Variants in CFAP58 observed in about 807,000 individuals in gnomAD.
CFAP58 encodes the protein cilia and flagella associated protein 58.
A neutral mutation model predicts 119.5 loss-of-function variants in CFAP58; 88 were observed. The ratio of observed to expected loss-of-function variants is 0.74; its 90% CI spans 0.62 to 0.88. The LOEUF (loss-of-function observed/expected upper bound fraction) is 0.88. Among genes scored for constraint, CFAP58 ranks in the 40% least tolerant of loss-of-function variants. CFAP58 has a pLI of 0.00. For missense variants in CFAP58, 990 were observed against 1,021.2 expected (o/e 0.97, Z 0.42); for synonymous variants, 365 against 366.3 (o/e 1.00, Z 0.04).
chr10:104,415,198 C>A (rs2012530093), intron 15 of CFAP58, among the ~76,000 whole-genome samples: 1 of 152,040 alleles, frequency 6.6e-6, no homozygotes, highest in Non-Finnish European at 1.5e-5. Context: ...AAATCAGACA[C>A]TGAGACAGAG....
At chr10:104,430,891 TA>T (rs1564902478) in intron 15 of CFAP58, among the ~76,000 whole-genome samples, 1 of 152,248 alleles carries the variant, frequency 6.6e-6, no homozygotes, top group Non-Finnish European at 1.5e-5. Flanking sequence ...ATTAATGTGA[TA>T]TTTTATATTT....
chr10:104,427,441 C>G (rs968383265), intron 15 of CFAP58, among the ~76,000 whole-genome samples: 5 of 151,956 alleles, frequency 3.3e-5, no homozygotes, highest in Non-Finnish European at 5.9e-5. Flanking sequence ...GTTGACAAAG[C>G]AATTTTATAT....
chr10:104,431,500 C>T (rs2012846581), intron 15 of CFAP58, among the ~76,000 whole-genome samples: 1 of 152,038 alleles, frequency 6.6e-6, no homozygotes, highest in African/African-American at 2.4e-5. Context: ...AAATCCCCCC[C>T]TTTTTTCCCC....
In CFAP58 at chr10:104,380,287, A is replaced by G. The variant is rs549631973; in HGVS notation, c.1365+67A>G. 3 of 1,369,278 alleles carry G rather than the reference A, an allele frequency of 2.2e-6. No homozygotes were observed. In the East Asian group the frequency reaches 6.9e-5, roughly 32 times the overall value. 84.8% of individuals were successfully genotyped at this position (1,369,278 alleles called of 1,614,324 possible). A position where few individuals can be genotyped will look rare whatever the true frequency, so the allele number is the denominator to read the frequency against. On this transcript the variant is annotated intron_variant, in intron 9 of 17. Transcript: ENST00000369704. ...TCCTTCCTCCGCATTTCTGATGGTC[A>G]CAAACTGTTGCAAAGAGAATTTATT...
Position 104,454,737 on chromosome 10 carries a change from G to C in CFAP58, c.*207G>C, listed in dbSNP as rs1226137280. The C allele has an allele frequency of 1.9e-6, 1 of 526,312 alleles. No homozygotes were observed. The highest frequency in any genetic ancestry group is 1.9e-5 in the African/African-American group (1 of 52,116). The allele number at this position is 526,312 out of a possible 1,614,324, so 32.6% of individuals were successfully genotyped here. A position where few individuals can be genotyped will look rare whatever the true frequency, so the allele number is the denominator to read the frequency against. On this transcript the variant is annotated 3_prime_UTR_variant, in exon 18 of 18. Transcript: ENST00000369704. ...ATATTAACAGATCATAATTCTCTCTGTTCAGTTAGGCTGACCTATTGCATG... is the reference window on the plus strand; with the variant it reads ...ATATTAACAGATCATAATTCTCTCTCTTCAGTTAGGCTGACCTATTGCATG...
intron 2 of CFAP58, among the ~76,000 whole-genome samples, chr10:104,359,170 A>C (rs1268061282): frequency 6.6e-6 from 1 of 152,134 alleles, no homozygotes; most frequent in Non-Finnish European, 1.5e-5. Flanking sequence ...GATTTTTTTC[A>C]TCCTTAAGTG....
intron 15 of CFAP58, among the ~76,000 whole-genome samples, chr10:104,416,635 A>C (rs2012558795): frequency 6.6e-6 from 1 of 152,114 alleles, no homozygotes; most frequent in Non-Finnish European, 1.5e-5. Flanking sequence ...TGATCTCCTG[A>C]TTATCTTACA....
chr10:104,445,458 C>G (rs2013100279), intron 15 of CFAP58, among the ~76,000 whole-genome samples: 1 of 152,126 alleles, frequency 6.6e-6, no homozygotes, highest in South Asian at 2.1e-4. Flanking sequence ...ACTGTACTTT[C>G]TATTAGAGGA....
At chr10:104,402,221 A>G (rs2133044869) in intron 13 of CFAP58, among the ~76,000 whole-genome samples, 1 of 152,334 alleles carries the variant, frequency 6.6e-6, no homozygotes, top group East Asian at 1.9e-4. Flanking sequence ...AAAACAAATC[A>G]ATGTGCCTAG....
intron 9 of CFAP58, among the ~76,000 whole-genome samples, chr10:104,381,547 C>T (rs954319219): frequency 6.6e-6 from 1 of 152,142 alleles, no homozygotes; most frequent in African/African-American, 2.4e-5. Flanking sequence ...AAGGTAAGCC[C>T]TCTCTTCCAT....
chr10:104,356,783 C>T (rs2014548875), intron 1 of CFAP58, among the ~76,000 whole-genome samples: 1 of 152,152 alleles, frequency 6.6e-6, no homozygotes, highest in Non-Finnish European at 1.5e-5. Context: ...TCATTAACTG[C>T]ATTCATATCC....
At chr10:104,368,393 G>T in intron 5 of CFAP58, 30 bp from the exon 6 acceptor site, 1 of 1,610,928 alleles carries the variant, frequency 6.2e-7, no homozygotes. Flanking sequence ...AGATTAAAAA[G>T]CATTAACCAG....
chr10:104,372,280 G>A (rs988973889), intron 7 of CFAP58, among the ~76,000 whole-genome samples: 1 of 152,154 alleles, frequency 6.6e-6, no homozygotes, highest in African/African-American at 2.4e-5. Context: ...TTGAACCTGG[G>A]AGGTGGAGGT....
chr10:104,400,962 T>C, intron 13 of CFAP58, 59 bp downstream of exon 13: 1 of 1,248,238 alleles, frequency 8.0e-7, no homozygotes, highest in Non-Finnish European at 1.2e-6. Flanking sequence ...GCTCCTAAAA[T>C]CACTTCGTAG....
At chr10:104,339,982 C>T in the CFAP58 span, among the ~76,000 whole-genome samples, 1 of 152,162 alleles carries the variant, frequency 6.6e-6, no homozygotes, top group Admixed American at 6.5e-5. Context: ...GCTGGAATGC[C>T]AAGGTTAGTG....
the CFAP58 span, among the ~76,000 whole-genome samples, chr10:104,346,967 G>A: frequency 2.6e-5 from 4 of 152,018 alleles, no homozygotes; most frequent in East Asian, 3.9e-4. Context: ...CTGGTCCACC[G>A]ATTGACTTGT....
intron 1 of CFAP58, among the ~76,000 whole-genome samples, chr10:104,358,068 C>T (rs1042628946): frequency 2.2e-5 from 3 of 139,198 alleles, no homozygotes; most frequent in African/African-American, 5.9e-5. Context: ...CATATATACA[C>T]ATATGTACAT....
intron 15 of CFAP58, among the ~76,000 whole-genome samples, chr10:104,439,885 T>C (rs182208362): frequency 9.7e-4 from 148 of 152,340 alleles, no homozygotes; most frequent in African/African-American, 3.4e-3. Flanking sequence ...AGTGGCGCGA[T>C]CTCGGCTCAC....
intron 11 of CFAP58, among the ~76,000 whole-genome samples, chr10:104,399,142 G>A (rs1362753026): frequency 6.6e-6 from 1 of 151,762 alleles, no homozygotes; most frequent in Non-Finnish European, 1.5e-5. Context: ...GAATAAACAT[G>A]ATGACTGTAA....
Sources: gnomAD v4.1 joint callset for allele counts (sites outside exome capture counted in the v4.1 genomes callset) on GRCh38, gnomAD v4.1.1 for gene constraint, MANE v1.5 for transcripts, NCBI Gene and HGNC (gene_info 2026-07-23, HGNC 2026-07-21) for gene names.